The following SP110 variants were observed in gnomAD, a reference collection of about 807,000 sequenced individuals.
The protein encoded by SP110 is SP110 nuclear body protein, also known as interferon-induced protein 41, 30kD.
A neutral mutation model predicts 92.7 loss-of-function variants in SP110; 62 were observed. The ratio of observed to expected loss-of-function variants is 0.67; its 90% confidence interval spans 0.55 to 0.83. The LOEUF (loss-of-function observed/expected upper bound fraction) is 0.83. SP110 is among the 40% of genes least tolerant of loss of function. SP110 has a pLI of 0.00. For missense variants in SP110, 793 were observed against 863.9 expected (o/e 0.92, Z 1.03); for synonymous variants, 273 against 305.3 (o/e 0.89, Z 1.10).
At chr2:230,222,158 A>G (rs2045877499), upstream of SP110, among the ~76,000 whole-genome samples, 1 of 150,910 alleles carries the variant, frequency 6.6e-6, no homozygotes, top group Non-Finnish European at 1.5e-5. Context: ...TGAACTCAGG[A>G]GCTGGAGGTT....
Position 230,183,646 on chromosome 2 carries a change from C to A in SP110, c.1280-6G>T. On this transcript the variant is annotated splice_polypyrimidine_tract_variant and splice_region_variant and intron_variant, in intron 11 of 18. Coordinates refer to ENST00000258381, the MANE Select transcript of SP110 (RefSeq NM_080424.4). The stretch of plus-strand genomic sequence containing the variant: ...ATCTTTCTCCTTTTTCTTTTCTAAA[C>A]ACAGAATTAATAATCACTTATAGCT... 6.8e-7 allele frequency: 1 copy of A among 1,470,824 alleles called. No individual in the cohort carries two copies. Among genetic ancestry groups the A allele is most frequent in the Non-Finnish European group, 9.5e-7 (1 of 1,049,216 alleles). The allele number at this position is 1,470,824 out of a possible 1,614,324, so 91.1% of individuals were successfully genotyped here.
intron 10 of SP110, among the ~76,000 whole-genome samples, chr2:230,197,001 A>C (rs1264701916): frequency 6.6e-6 from 1 of 152,212 alleles, no homozygotes; most frequent in Non-Finnish European, 1.5e-5. Flanking sequence ...CACAATAAAC[A>C]TACGTGTGCA....
At chr2:230,203,272 G>A (rs1272548115) in intron 8 of SP110, 1 of 165,066 alleles carries the variant, frequency 6.1e-6, no homozygotes, top group Non-Finnish European at 1.3e-5. Flanking sequence ...ATGCCAGAGG[G>A]TGCAGAGGTG....
intron 14 of SP110, among the ~76,000 whole-genome samples, chr2:230,175,959 T>TTTTTTTTTTC (rs398042989): frequency 6.6e-6 from 1 of 151,054 alleles, no homozygotes; most frequent in African/African-American, 2.4e-5. Flanking sequence ...TTTTTTTTTT[T>TTTTTTTTTTC]CTGAGACAGG....
At chr2:230,221,834 G>A (rs1470848680), upstream of SP110, 4 of 1,043,572 alleles carry the variant, frequency 3.8e-6, no homozygotes, top group Non-Finnish European at 5.6e-6. Flanking sequence ...CAAAAGTAAA[G>A]CAGGAGTGGG....
Position 230,202,478 on chromosome 2 carries a change from T to C in SP110, c.1048+101A>G, listed in dbSNP as rs2043279280. ...ATCCTCATTCTCTGTACTTTTTCCT[T>C]TTACTATTGACTTTACATATCTACT... On this transcript the variant is annotated intron_variant, in intron 9 of 18. Coordinates refer to ENST00000258381, the MANE Select transcript of SP110 (RefSeq NM_080424.4). 2.7e-6 allele frequency: 3 copies of C among 1,118,390 alleles called. No homozygotes were observed. The Admixed American group carries it at 5.7e-5, about 21-fold the overall frequency. 69.3% of individuals were successfully genotyped at this position (1,118,390 alleles called of 1,614,324 possible). A position where few individuals can be genotyped will look rare whatever the true frequency, so the allele number is the denominator to read the frequency against.
At position 230,168,431 on chromosome 2, in the gene SP110, G is replaced by A. The variant is rs188672028; in HGVS notation, c.*693C>T. On this transcript the variant is annotated 3_prime_UTR_variant, in exon 19 of 19. Coordinates refer to ENST00000258381, the MANE Select transcript of SP110 (RefSeq NM_080424.4). Reference sequence around the variant, plus strand: ...AAAAAAACCTGAATCTCATCATTTTGCAACCTCTGATGATATCACGGATTT... The same window carrying A: ...AAAAAAACCTGAATCTCATCATTTTACAACCTCTGATGATATCACGGATTT... The A allele has an allele frequency of 6.6e-6, 1 of 151,704 alleles. No individual in the cohort carries two copies. Among genetic ancestry groups the A allele is most frequent in the Non-Finnish European group, 1.5e-5 (1 of 67,944 alleles). 9.4% of individuals were successfully genotyped at this position (151,704 alleles called of 1,614,324 possible).
intron 3 of SP110, 96 bp from the exon 4 acceptor site, chr2:230,213,123 G>T (rs746880251): frequency 1.6e-5 from 19 of 1,205,842 alleles, no homozygotes; most frequent in Non-Finnish European, 1.9e-5. Context: ...TAGGATGGGG[G>T]CATGGAGCTA....
rs114352205 is a variant in SP110 at position 230,170,750 on chromosome 2, G to A, written c.1899C>T (p.Tyr633=). 4.0e-5 allele frequency: 64 copies of A among 1,614,008 alleles called. No homozygotes were observed. The highest frequency in any genetic ancestry group is 1.6e-4 in the Middle Eastern group (1 of 6,062). Reference sequence around the variant, plus strand: ...ACATTGCTTCCTGAAAGGGCTCACCGTAATCTCGAATCTTGGGGACAAAGC... The same window carrying A: ...ACATTGCTTCCTGAAAGGGCTCACCATAATCTCGAATCTTGGGGACAAAGC... The part of the protein sequence containing the change: ...FTGIPFNIRD[Y]GEPFQEAMWL... Residue 633 remains tyrosine, a synonymous_variant, in exon 18 of 19, where the codon TAC becomes TAT. Transcript: ENST00000258381.
chr2:230,183,497 G>A (rs2042217974), intron 12 of SP110, 75 bp downstream of exon 12: 5 of 922,980 alleles, frequency 5.4e-6, no homozygotes, highest in Non-Finnish European at 9.1e-6. Context: ...AAGAAGGAGA[G>A]GGCGGGTGGA....
At position 230,168,917 on chromosome 2, in the gene SP110, A is replaced by ATTATTT. The variant is rs5839361; in HGVS notation, c.*206_*207insAAATAA. 4 of 426,014 alleles carry ATTATTT rather than the reference A, an allele frequency of 9.4e-6. No homozygotes were observed. The highest frequency in any genetic ancestry group is 4.1e-5 in the African/African-American group (2 of 49,128). 26.4% of individuals were successfully genotyped at this position (426,014 alleles called of 1,614,324 possible). A position where few individuals can be genotyped will look rare whatever the true frequency, so the allele number is the denominator to read the frequency against. On this transcript the variant is annotated 3_prime_UTR_variant, in exon 19 of 19. Coordinates refer to ENST00000258381, the MANE Select transcript of SP110 (RefSeq NM_080424.4). Reference sequence around the variant, plus strand: ...ATCTGATGGTATTAAGGAAGTATTAATTTTTTTTTTTTTTAGTGTAGATAT... The same window carrying ATTATTT: ...ATCTGATGGTATTAAGGAAGTATTAATTATTTTTTTTTTTTTTTTTAGTGTAGATAT...
chr2:230,170,522 C>A, intron 18 of SP110, 99 bp downstream of exon 18: 1 of 1,414,996 alleles, frequency 7.1e-7, no homozygotes, highest in South Asian at 1.2e-5. Flanking sequence ...TGAGCTCTCC[C>A]CAGGCTGAAA....
chr2:230,179,114 A>T (rs2042002291), intron 12 of SP110, among the ~76,000 whole-genome samples: 1 of 152,224 alleles, frequency 6.6e-6, no homozygotes, highest in South Asian at 2.1e-4. Context: ...GCTAAAGGAA[A>T]ACAAATGGCA....
intron 10 of SP110, among the ~76,000 whole-genome samples, chr2:230,188,702 C>T (rs2042472213): frequency 6.6e-6 from 1 of 152,116 alleles, no homozygotes; most frequent in Non-Finnish European, 1.5e-5. Context: ...TAAAGGGATG[C>T]TGGATTTTAT....
At chr2:230,174,607 G>C (rs2041768291) in intron 14 of SP110, among the ~76,000 whole-genome samples, 1 of 152,200 alleles carries the variant, frequency 6.6e-6, no homozygotes, top group Non-Finnish European at 1.5e-5. Context: ...CTGATAGAGT[G>C]GCAACTGCTG....
chr2:230,202,733 A>G lies in SP110; in HGVS notation c.899-5T>C. ...CGTGTCTAGATGAGGCTGTCCCTGG[A>G]CCAAATAATGACTTGTTAATAGTTT... On this transcript the variant is annotated splice_polypyrimidine_tract_variant and splice_region_variant and intron_variant, in intron 8 of 18. Transcript: ENST00000258381. 2 of 1,614,088 alleles carry G rather than the reference A, an allele frequency of 1.2e-6. No homozygotes were observed. Among genetic ancestry groups the G allele is most frequent in the Non-Finnish European group, 1.7e-6 (2 of 1,179,968 alleles).
At chr2:230,221,339 GT>G (rs1363752636), upstream of SP110, among the ~76,000 whole-genome samples, 10 of 150,818 alleles carry the variant, frequency 6.6e-5, no homozygotes, top group African/African-American at 2.4e-4. Context: ...ATTCTCAAAT[GT>G]ATTTGACCCA....
At chr2:230,203,187 G>A (rs2043355614) in intron 8 of SP110, 1 of 186,562 alleles carries the variant, frequency 5.4e-6, no homozygotes, top group African/African-American at 2.4e-5. Flanking sequence ...AAAACTGAGA[G>A]GGAAGGACCC....
Position 230,212,822 on chromosome 2 carries a change from G to A in SP110, c.522C>T (p.Pro174=), listed in dbSNP as rs144428054. The change falls in exon 4 of 19, where the codon CCC becomes CCT. Residue 174 remains proline (P), a synonymous_variant. Coordinates refer to ENST00000258381, the MANE Select transcript of SP110 (RefSeq NM_080424.4). The stretch of plus-strand genomic sequence containing the variant: ...GAGGCAGGACAGGGTCAGATGGGCT[G>A]GGCGACTCACTCAGGATCTCATCGC... The part of the protein sequence containing the change: ...QQSDEILSES[P]SPSDPVLPLP... 3.2e-4 allele frequency: 522 copies of A among 1,614,078 alleles called. No individual in the cohort carries two copies. The African/African-American group carries it at 6.3e-3, about 19-fold the overall frequency.
Sources: gnomAD v4.1 joint callset for allele counts (sites outside exome capture counted in the v4.1 genomes callset) on GRCh38, gnomAD v4.1.1 for gene constraint, MANE v1.5 for transcripts, NCBI Gene and HGNC (gene_info 2026-07-23, HGNC 2026-07-21) for gene names.